Variants in STAT5B observed in about 807,000 individuals in gnomAD.
STAT5B encodes transcription factor STAT5B.
A neutral mutation model predicts 107.8 loss-of-function variants in STAT5B; 21 were observed. That is an observed-to-expected ratio of 0.19 (90% confidence interval 0.14 to 0.28). The LOEUF is 0.28. STAT5B is among the 10% of genes least tolerant of loss of function. The pLI, the probability that STAT5B is intolerant of heterozygous loss-of-function variation, is 1.00. For missense variants in STAT5B, 565 were observed against 1,008.2 expected, an observed-to-expected ratio of 0.56 and a Z score of 5.95; for synonymous variants, 325 against 401.7, an observed-to-expected ratio of 0.81 and a Z score of 2.28.
At chr17:42,224,735 A>G (rs1373705055) in intron 4 of STAT5B, 44 bp downstream of exon 4, 1 of 1,603,410 alleles carries the variant, frequency 6.2e-7, no homozygotes, top group Admixed American at 1.7e-5. Context: ...GGTGGGTAAG[A>G]AAAGACTTCC....
chr17:42,250,592 C>T (rs934702592), intron 1 of STAT5B, among the ~76,000 whole-genome samples: 5 of 152,088 alleles, frequency 3.3e-5, no homozygotes, highest in East Asian at 1.9e-4. Context: ...TGTCCACCTT[C>T]GGAGCTCAGG....
chr17:42,284,029 G>A, the STAT5B span, among the ~76,000 whole-genome samples: 1 of 152,064 alleles, frequency 6.6e-6, no homozygotes, highest in Admixed American at 6.5e-5. Context: ...TTCTTGGGAA[G>A]GCCCTTCACC....
At chr17:42,262,960 GTGTGTGTGTGTATATATA>G (rs2080624267) in intron 1 of STAT5B, among the ~76,000 whole-genome samples, 2 of 52,412 alleles carry the variant, frequency 3.8e-5, no homozygotes, top group Non-Finnish European at 6.9e-5. Flanking sequence ...GTGTGTGTGT[GTGTGTGTGTGTATATATA>G]TATATATATA....
chr17:42,229,442 G>C (rs1263652754), intron 2 of STAT5B, among the ~76,000 whole-genome samples: 3 of 151,682 alleles, frequency 2.0e-5, no homozygotes, highest in Non-Finnish European at 4.4e-5. Flanking sequence ...GAGCCACCGT[G>C]CCCGGCCAGG....
chr17:42,220,407 G>C (rs1047689098), intron 5 of STAT5B, among the ~76,000 whole-genome samples: 1 of 152,216 alleles, frequency 6.6e-6, no homozygotes, highest in African/African-American at 2.4e-5. Context: ...ACAGGACAGA[G>C]AGAAGAGGTG....
chr17:42,278,515 GATTTT>G (rs1252159236), upstream of STAT5B, among the ~76,000 whole-genome samples: 1 of 151,666 alleles, frequency 6.6e-6, no homozygotes, highest in Non-Finnish European at 1.5e-5. Flanking sequence ...AGGGTGTGAT[GATTTT>G]TTTTTATTTT....
chr17:42,279,935 A>G (rs1227585545), upstream of STAT5B, among the ~76,000 whole-genome samples: 2 of 152,110 alleles, frequency 1.3e-5, no homozygotes, highest in Non-Finnish European at 2.9e-5. Context: ...GATGCTGAGG[A>G]CAGAATGTTC....
At chr17:42,260,029 G>A (rs981260001) in intron 1 of STAT5B, among the ~76,000 whole-genome samples, 1 of 152,074 alleles carries the variant, frequency 6.6e-6, no homozygotes, top group African/African-American at 2.4e-5. Context: ...ATTTCCCTTC[G>A]TTAGAAGGCC....
intron 1 of STAT5B, among the ~76,000 whole-genome samples, chr17:42,274,467 G>C (rs1410600121): frequency 6.6e-6 from 1 of 152,054 alleles, no homozygotes; most frequent in Non-Finnish European, 1.5e-5. Flanking sequence ...TGTCACATAG[G>C]AAGTTTTTCT....
chr17:42,211,845 C>T (rs2080132156), intron 13 of STAT5B, 139 bp downstream of exon 13: 9 of 1,310,006 alleles, frequency 6.9e-6, no homozygotes, highest in Non-Finnish European at 9.6e-6. Context: ...CTCAAGTTGT[C>T]CATCTAGTCA....
chr17:42,227,775 T>A, intron 2 of STAT5B, 90 bp from the exon 3 acceptor site: 2 of 1,376,588 alleles, frequency 1.5e-6, no homozygotes, highest in Non-Finnish European at 2.0e-6. Context: ...TTTCTTCAAC[T>A]AAAGTGATGT....
At chr17:42,265,356 A>C (rs1311446606) in intron 1 of STAT5B, among the ~76,000 whole-genome samples, 1 of 132,864 alleles carries the variant, frequency 7.5e-6, no homozygotes, top group East Asian at 2.3e-4. Flanking sequence ...GAAACTGCTA[A>C]GTCAAAGGGT....
At chr17:42,221,323 C>T (rs957369942) in intron 5 of STAT5B, among the ~76,000 whole-genome samples, 19 of 152,222 alleles carry the variant, frequency 1.2e-4, no homozygotes, top group Non-Finnish European at 2.4e-4. Flanking sequence ...TGCAAGGGAC[C>T]CACTTAGGGC....
intron 1 of STAT5B, among the ~76,000 whole-genome samples, chr17:42,253,998 T>C (rs2080521270): frequency 6.6e-6 from 1 of 152,132 alleles, no homozygotes; most frequent in Non-Finnish European, 1.5e-5. Flanking sequence ...TGACCCCTCA[T>C]GTTATAGGTT....
intron 9 of STAT5B, chr17:42,217,864 C>T (rs953789445): frequency 2.8e-5 from 13 of 461,022 alleles, no homozygotes; most frequent in Middle Eastern, 6.4e-4. Flanking sequence ...GCCACCACGC[C>T]CGGCTAATTT....
intron 1 of STAT5B, among the ~76,000 whole-genome samples, chr17:42,236,329 A>T (rs997366580): frequency 1.3e-5 from 2 of 152,248 alleles, no homozygotes; most frequent in Admixed American, 6.5e-5. Flanking sequence ...CTATATGTGA[A>T]ATATGAGATG....
chr17:42,213,735 G>A (rs184421516), intron 12 of STAT5B, among the ~76,000 whole-genome samples: 13 of 147,520 alleles, frequency 8.8e-5, no homozygotes, highest in Admixed American at 3.4e-4. Flanking sequence ...CACCATGTTG[G>A]CCAAGCTGGT....
At chr17:42,208,249 C>T (rs899360790) in intron 15 of STAT5B, among the ~76,000 whole-genome samples, 5 of 151,828 alleles carry the variant, frequency 3.3e-5, no homozygotes, top group African/African-American at 9.7e-5. Flanking sequence ...TGCCTGTAAT[C>T]CCACACTTTT....
At chr17:42,274,426 G>A (rs1444906928) in intron 1 of STAT5B, among the ~76,000 whole-genome samples, 1 of 151,762 alleles carries the variant, frequency 6.6e-6, no homozygotes, top group African/African-American at 2.4e-5. Flanking sequence ...GTGTGGACTT[G>A]TTTGAATTAA....
Sources: gnomAD v4.1 joint callset for allele counts (sites outside exome capture counted in the v4.1 genomes callset) on GRCh38, gnomAD v4.1.1 for gene constraint, MANE v1.5 for transcripts, NCBI Gene and HGNC (gene_info 2026-07-23, HGNC 2026-07-21) for gene names.